Variants in DOK6 observed in about 807,000 individuals in gnomAD.
DOK6 encodes the protein docking protein 6.
In DOK6, 22 loss-of-function variants were observed where a neutral mutation model predicts 44.0. That is an observed-to-expected ratio of 0.50 (90% CI 0.36 to 0.71). The LOEUF (loss-of-function observed/expected upper bound fraction) is 0.71, where lower values mean the gene tolerates loss of function less well. DOK6 is among the 30% of genes least tolerant of loss of function. The pLI, the probability that DOK6 is intolerant of heterozygous loss-of-function variation, is 0.00. For missense variants in DOK6, 340 were observed against 416.4 expected (o/e 0.82, Z 1.60); for synonymous variants, 166 against 145.5 (o/e 1.14, Z -1.01).
In DOK6 at chr18:69,486,819, A is replaced by G. The variant is rs896174195; in HGVS notation, c.67-77668A>G. 1.4e-4 allele frequency among the ~76,000 whole-genome samples: 22 copies of G among 152,186 alleles called. 1 individual carries two copies. Among genetic ancestry groups the G allele is most frequent in the Admixed American group, 1.4e-3 (21 of 15,272 alleles). ...TTAACTAACAATGTTAAGGAAATTT[A>G]CTTTAAAAATAGCATTGGTTTCATT... On this transcript the variant is annotated intron_variant, in intron 1 of 7. Coordinates refer to ENST00000382713, the MANE Select transcript of DOK6 (RefSeq NM_152721.6).
Position 69,771,042 on chromosome 18 carries a change from T to C in DOK6, c.856+13169T>C, listed in dbSNP as rs1979873602. ...AGTAACTTTTTAAGTGAAGGCAGTATGATATCTGAAAATCTGATGGAATTC... is the reference window on the plus strand; with the variant it reads ...AGTAACTTTTTAAGTGAAGGCAGTACGATATCTGAAAATCTGATGGAATTC... On this transcript the variant is annotated intron_variant, in intron 7 of 7. Transcript: ENST00000382713. Among the ~76,000 whole-genome samples, 3 of 152,190 alleles carry C rather than the reference T, an allele frequency of 2.0e-5. No homozygotes were observed. In the South Asian group the frequency reaches 6.2e-4, roughly 32 times the overall value.
chr18:69,675,546 G>T (rs573780167), intron 3 of DOK6, among the ~76,000 whole-genome samples: 1 of 152,086 alleles, frequency 6.6e-6, no homozygotes, highest in Non-Finnish European at 1.5e-5. Context: ...AAATTTAAAA[G>T]AAAAACATAC....
intron 4 of DOK6, among the ~76,000 whole-genome samples, chr18:69,697,761 G>C (rs1174578597): frequency 6.6e-6 from 1 of 152,248 alleles, no homozygotes; most frequent in Non-Finnish European, 1.5e-5. Flanking sequence ...TCAGCCATAG[G>C]ATATCCAGGA....
At chr18:69,795,107 A>C (rs1980706607) in intron 7 of DOK6, among the ~76,000 whole-genome samples, 1 of 152,148 alleles carries the variant, frequency 6.6e-6, no homozygotes, top group Non-Finnish European at 1.5e-5. Flanking sequence ...ATTGTCTTCC[A>C]TGAAACTGGT....
intron 1 of DOK6, among the ~76,000 whole-genome samples, chr18:69,497,256 G>A (rs1347869439): frequency 2.0e-5 from 3 of 152,136 alleles, no homozygotes; most frequent in African/African-American, 7.2e-5. Context: ...TTAAACTTGA[G>A]CAAAGTCATT....
At chr18:69,778,894 C>T (rs74367756) in intron 7 of DOK6, among the ~76,000 whole-genome samples, 4,977 of 152,192 alleles carry the variant, frequency 0.033, 99 homozygotes, top group Middle Eastern at 0.075. Flanking sequence ...AGACATGGAA[C>T]TTTAAACTCC....
intron 7 of DOK6, among the ~76,000 whole-genome samples, chr18:69,814,449 G>T (rs1442340678): frequency 6.6e-6 from 1 of 152,106 alleles, no homozygotes; most frequent in Non-Finnish European, 1.5e-5. Context: ...TCAGGCATTA[G>T]ATTCTCATAA....
intron 7 of DOK6, among the ~76,000 whole-genome samples, chr18:69,804,936 T>C (rs1981010377): frequency 6.6e-6 from 1 of 152,132 alleles, no homozygotes; most frequent in African/African-American, 2.4e-5. Flanking sequence ...CCCTGTTGGA[T>C]AAATAACGTA....
chr18:69,574,743 C>T (rs778412080), intron 2 of DOK6, among the ~76,000 whole-genome samples: 1 of 151,598 alleles, frequency 6.6e-6, no homozygotes, highest in Admixed American at 6.6e-5. Flanking sequence ...TAGGCAATAG[C>T]GAAGTTGTGA....
chr18:69,576,868 A>G (rs1983250787), intron 2 of DOK6, among the ~76,000 whole-genome samples: 1 of 152,218 alleles, frequency 6.6e-6, no homozygotes, highest in Non-Finnish European at 1.5e-5. Context: ...CAGATGAAAA[A>G]GTAGCAGTTT....
At chr18:69,610,116 C>G (rs1049011155) in intron 3 of DOK6, among the ~76,000 whole-genome samples, 14 of 152,024 alleles carry the variant, frequency 9.2e-5, no homozygotes, top group South Asian at 2.1e-4. Flanking sequence ...TAATGTATTG[C>G]CTTTTTAAAA....
At chr18:69,547,654 A>C (rs543158877) in intron 1 of DOK6, among the ~76,000 whole-genome samples, 7 of 151,282 alleles carry the variant, frequency 4.6e-5, no homozygotes, top group Admixed American at 4.6e-4. Flanking sequence ...TATTCCTTCT[A>C]TCTAACTATA....
chr18:69,824,191 CCCCCT>C (rs1981667264), intron 7 of DOK6, among the ~76,000 whole-genome samples: 1 of 26,112 alleles, frequency 3.8e-5, no homozygotes, highest in Admixed American at 5.0e-4. Flanking sequence ...GCTATCCCTC[CCCCCT>C]CCCCCCACCC....
chr18:69,677,731 C>T lies in DOK6; in HGVS notation c.290-3C>T. On this transcript the variant is annotated splice_polypyrimidine_tract_variant and splice_region_variant and intron_variant, in intron 3 of 7. Coordinates refer to ENST00000382713, the MANE Select transcript of DOK6 (RefSeq NM_152721.6). ...TGACTGGTGATGTTGTGGTTACTTT[C>T]AGAGCTGGAGGCCGAGGAGTGGTGC... 1 of 1,613,158 alleles carries T rather than the reference C, an allele frequency of 6.2e-7. No homozygotes were observed. The highest frequency in any genetic ancestry group is 8.5e-7 in the Non-Finnish European group (1 of 1,179,440).
At chr18:69,422,774 G>T (rs966907136) in intron 1 of DOK6, among the ~76,000 whole-genome samples, 1 of 151,898 alleles carries the variant, frequency 6.6e-6, no homozygotes, top group African/African-American at 2.4e-5. Flanking sequence ...TCAAAATTTT[G>T]GTTTGAAACA....
At position 69,548,865 on chromosome 18, in the gene DOK6, G is replaced by A. The variant is rs951482093; in HGVS notation, c.67-15622G>A. Among the ~76,000 whole-genome samples, 13 of 151,224 alleles carry A rather than the reference G, an allele frequency of 8.6e-5. 1 individual carries two copies. The highest frequency in any genetic ancestry group is 1.8e-4 in the Non-Finnish European group (12 of 67,624). On this transcript the variant is annotated intron_variant, in intron 1 of 7. Transcript: ENST00000382713. Reference sequence around the variant, plus strand: ...TCCCAGCACTTTGGGAGGCCGAGGCGGGCGGATCACGAGGTCAGGAGATCA... The same window carrying A: ...TCCCAGCACTTTGGGAGGCCGAGGCAGGCGGATCACGAGGTCAGGAGATCA...
intron 1 of DOK6, among the ~76,000 whole-genome samples, chr18:69,481,671 C>T (rs915659865): frequency 2.2e-4 from 34 of 152,080 alleles, no homozygotes; most frequent in African/African-American, 6.3e-4. Context: ...TGAATAGTGC[C>T]GCAATAAACA....
intron 1 of DOK6, among the ~76,000 whole-genome samples, chr18:69,512,536 G>GT (rs1981402155): frequency 6.6e-6 from 1 of 151,952 alleles, no homozygotes; most frequent in Non-Finnish European, 1.5e-5. Flanking sequence ...TAGAGACAGA[G>GT]TTTTGCCATG....
At chr18:69,627,200 A>G (rs1984576526) in intron 3 of DOK6, among the ~76,000 whole-genome samples, 1 of 152,178 alleles carries the variant, frequency 6.6e-6, no homozygotes, top group African/African-American at 2.4e-5. Flanking sequence ...GCAAAAGAAA[A>G]CAAAAACAAA....
Sources: allele counts gnomAD v4.1 joint callset (sites outside exome capture counted in the v4.1 genomes callset), GRCh38; gene constraint gnomAD v4.1.1; transcripts MANE v1.5; gene names NCBI Gene and HGNC (gene_info 2026-07-23, HGNC 2026-07-21).